PTP4A1: variants seen among roughly 807,000 people sequenced by gnomAD.
PTP4A1 encodes protein tyrosine phosphatase type IVA 1.
A neutral mutation model predicts 20.5 loss-of-function variants in PTP4A1; 9 were observed. That is an observed-to-expected ratio of 0.44 (90% CI 0.26 to 0.77). The LOEUF is 0.77. Among genes scored for constraint, PTP4A1 ranks in the 30% least tolerant of loss-of-function variants. PTP4A1 has a pLI of 0.19. For missense variants in PTP4A1, 137 were observed against 218.8 expected, an observed-to-expected ratio of 0.63 and a Z score of 2.36; for synonymous variants, 78 against 67.4, an observed-to-expected ratio of 1.16 and a Z score of -0.77.
At chr6:63,520,820 G>A (rs899156340), upstream of PTP4A1, among the ~76,000 whole-genome samples, 2 of 152,064 alleles carry the variant, frequency 1.3e-5, no homozygotes, top group Non-Finnish European at 2.9e-5. Context: ...AGGTGGTAAA[G>A]AGATCATTTA....
chr6:63,540,335 G>GA (rs1408699652), intron 2 of PTP4A1, among the ~76,000 whole-genome samples: 3 of 152,080 alleles, frequency 2.0e-5, no homozygotes, highest in Non-Finnish European at 4.4e-5. Flanking sequence ...AGATAGATCT[G>GA]AAAATCCAGG....
chr6:63,526,824 TATATA>T lies in PTP4A1; in HGVS notation c.-905-994_-905-990del, dbSNP rs1222155750. On this transcript the variant is annotated intron_variant, in intron 1 of 3. Coordinates refer to the PTP4A1 transcript ENST00000639568. ...AAATGTATATATATATATATATATA[TATATA>T]TATATATTTATTTATTTATTCTTCT... is the stretch of plus-strand genomic sequence containing the variant. Among the ~76,000 whole-genome samples, 52 of 143,734 alleles carry T rather than the reference TATATA, an allele frequency of 3.6e-4. 2 individuals carry two copies. Among genetic ancestry groups the T allele is most frequent in the African/African-American group, 1.3e-3 (52 of 38,592 alleles). The allele number at this position is 143,734 out of a possible 152,430, so 94.3% of individuals were successfully genotyped here.
At chr6:63,533,953 C>G (rs564750137) in intron 2 of PTP4A1, among the ~76,000 whole-genome samples, 1 of 151,924 alleles carries the variant, frequency 6.6e-6, no homozygotes, top group Non-Finnish European at 1.5e-5. Flanking sequence ...AAGTGATTCT[C>G]GTGCCTCAGC....
At chr6:63,575,934 A>C (rs1561914532) in intron 1 of PTP4A1, among the ~76,000 whole-genome samples, 1 of 152,086 alleles carries the variant, frequency 6.6e-6, no homozygotes, top group Non-Finnish European at 1.5e-5. Flanking sequence ...GAGTTAAGTA[A>C]ATTATGCAAG....
intron 2 of PTP4A1, among the ~76,000 whole-genome samples, chr6:63,542,233 A>G (rs1345908825): frequency 6.6e-6 from 1 of 152,106 alleles, no homozygotes; most frequent in Non-Finnish European, 1.5e-5. Context: ...GAGGATGCAA[A>G]GGCATAGGAA....
At chr6:63,522,285 A>G (rs1354548986) in intron 1 of PTP4A1, among the ~76,000 whole-genome samples, 1 of 152,236 alleles carries the variant, frequency 6.6e-6, no homozygotes, top group African/African-American at 2.4e-5. Context: ...TAGATGAATT[A>G]TTTGTATAGT....
At chr6:63,556,278 C>T (rs1776683421) in intron 3 of PTP4A1, among the ~76,000 whole-genome samples, 1 of 152,120 alleles carries the variant, frequency 6.6e-6, no homozygotes, top group Non-Finnish European at 1.5e-5. Flanking sequence ...CCTGCCTCAG[C>T]CTCCAGAGTA....
chr6:63,520,903 A>G (rs1228813618), upstream of PTP4A1, among the ~76,000 whole-genome samples: 2 of 152,180 alleles, frequency 1.3e-5, no homozygotes, highest in Non-Finnish European at 2.9e-5. Flanking sequence ...CTATGCAGCC[A>G]TAAAAAAGAA....
intron 5 of PTP4A1, among the ~76,000 whole-genome samples, 158 bp downstream of exon 5, chr6:63,579,489 ATGCAGT>A (rs1011655403): frequency 6.6e-6 from 1 of 152,194 alleles, no homozygotes; most frequent in Admixed American, 6.5e-5. Flanking sequence ...TTTGCATTTC[ATGCAGT>A]TGCTCATATT....
intron 2 of PTP4A1, among the ~76,000 whole-genome samples, chr6:63,543,268 C>A (rs1776056879): frequency 6.6e-6 from 1 of 152,210 alleles, no homozygotes; most frequent in African/African-American, 2.4e-5. Context: ...ATTCTGTGAT[C>A]ATTCAGACGT....
Position 63,582,775 on chromosome 6 carries a change from G to C in PTP4A1, c.*2601G>C, listed in dbSNP as rs1231751727. On this transcript the variant is annotated 3_prime_UTR_variant, in exon 6 of 6. Coordinates refer to ENST00000626021, the MANE Select transcript of PTP4A1 (RefSeq NM_003463.5). ...AAAACTCTGGAAGTAGGTGCCATTG[G>C]TCATTCTGCAGTGCACTGCAACCAT... The C allele has an allele frequency of 2.6e-5, 4 of 152,152 alleles. No homozygotes were observed. Among genetic ancestry groups the C allele is most frequent in the Non-Finnish European group, 5.9e-5 (4 of 68,030 alleles). 9.4% of individuals were successfully genotyped at this position (152,152 alleles called of 1,614,324 possible).
intron 2 of PTP4A1, among the ~76,000 whole-genome samples, chr6:63,544,656 G>A (rs139948253): frequency 3.3e-5 from 5 of 151,986 alleles, no homozygotes; most frequent in East Asian, 1.9e-4. Flanking sequence ...TGACCTTGAC[G>A]TTTCTGATTA....
At chr6:63,565,939 C>T (rs1275463823) in intron 3 of PTP4A1, among the ~76,000 whole-genome samples, 1 of 152,190 alleles carries the variant, frequency 6.6e-6, no homozygotes, top group Admixed American at 6.5e-5. Flanking sequence ...GAGATTTAAG[C>T]ATAGGCATAC....
At chr6:63,529,191 G>GTATATATATATGTATATATATGTGTGTA (rs1775340769) in intron 2 of PTP4A1, among the ~76,000 whole-genome samples, 1 of 141,834 alleles carries the variant, frequency 7.1e-6, no homozygotes, top group Non-Finnish European at 1.5e-5. Context: ...ATATATGTGT[G>GTATATATATATGTATATATATGTGTGTA]TATATATATA....
intron 2 of PTP4A1, chr6:63,548,870 G>A (rs1043568297): frequency 6.1e-5 from 47 of 770,908 alleles, no homozygotes; most frequent in Admixed American, 1.0e-4. Flanking sequence ...TAGCCAAAGC[G>A]CCTTTGTCTT....
At chr6:63,537,727 A>T (rs1775784503) in intron 2 of PTP4A1, among the ~76,000 whole-genome samples, 1 of 152,276 alleles carries the variant, frequency 6.6e-6, no homozygotes, top group Non-Finnish European at 1.5e-5. Context: ...CCTTGTCAGC[A>T]GATCAGAACC....
chr6:63,529,579 G>A (rs746821009), intron 2 of PTP4A1, among the ~76,000 whole-genome samples: 4 of 152,160 alleles, frequency 2.6e-5, no homozygotes, highest in Admixed American at 6.5e-5. Context: ...TTTTGTAGAG[G>A]AGGGGCTTAA....
chr6:63,546,477 A>G (rs1323272394), intron 2 of PTP4A1, among the ~76,000 whole-genome samples: 4 of 152,196 alleles, frequency 2.6e-5, no homozygotes, highest in African/African-American at 9.6e-5. Context: ...TAGCCAAGGC[A>G]GGTGGATCAC....
At chr6:63,568,998 C>T (rs1467279906), upstream of PTP4A1, among the ~76,000 whole-genome samples, 2 of 152,016 alleles carry the variant, frequency 1.3e-5, no homozygotes, top group Non-Finnish European at 2.9e-5. Context: ...GATATTGTCA[C>T]GTTTAATCTA....
Sources: allele counts gnomAD v4.1 joint callset (sites outside exome capture counted in the v4.1 genomes callset), GRCh38; gene constraint gnomAD v4.1.1; transcripts MANE v1.5; gene names NCBI Gene and HGNC (gene_info 2026-07-23, HGNC 2026-07-21).